LPP: variants seen among roughly 807,000 people sequenced by gnomAD.
The protein encoded by LPP is lipoma-preferred partner.
LPP carries 38 observed loss-of-function variants against 60.4 expected under a neutral mutation model. That is an observed-to-expected ratio of 0.63 (90% CI 0.49 to 0.83). The LOEUF is 0.83. Ranked by LOEUF, LPP falls within the 40% of genes least tolerant of loss-of-function variation. The pLI, the probability that LPP is intolerant of heterozygous loss-of-function variation, is 0.00. For synonymous variants in LPP, 328 were observed against 290.8 expected (o/e 1.13, Z -1.30); for missense variants, 902 against 783.6 (o/e 1.15, Z -1.80).
intron 3 of LPP, among the ~76,000 whole-genome samples, chr3:188,381,397 G>A (rs919068338): frequency 5.9e-5 from 9 of 151,752 alleles, no homozygotes; most frequent in African/African-American, 2.2e-4. Flanking sequence ...TACCTTATTG[G>A]AATTATTGGA....
chr3:188,580,717 G>T (rs1347932655), intron 6 of LPP, among the ~76,000 whole-genome samples: 1 of 152,140 alleles, frequency 6.6e-6, no homozygotes, highest in Non-Finnish European at 1.5e-5. Flanking sequence ...TATGATGGAT[G>T]ATGGCTACAG....
chr3:188,565,029 T>C (rs1831785270), intron 6 of LPP, among the ~76,000 whole-genome samples: 1 of 151,928 alleles, frequency 6.6e-6, no homozygotes, highest in Non-Finnish European at 1.5e-5. Flanking sequence ...ATCCTTACAC[T>C]GAAAAGCCTG....
intron 2 of LPP, chr3:188,247,167 A>G: frequency 1.0e-6 from 1 of 985,178 alleles, no homozygotes; most frequent in Non-Finnish European, 1.2e-6. Flanking sequence ...AACTGTCCAG[A>G]AGACCTCTGG....
At chr3:188,532,071 T>C (rs1374663144) in intron 6 of LPP, among the ~76,000 whole-genome samples, 1 of 152,010 alleles carries the variant, frequency 6.6e-6, no homozygotes, top group East Asian at 1.9e-4. Flanking sequence ...TACCATAGAA[T>C]CAGTTGATGT....
chr3:188,506,388 T>C (rs1251387494), intron 5 of LPP, among the ~76,000 whole-genome samples: 1 of 152,228 alleles, frequency 6.6e-6, no homozygotes, highest in Non-Finnish European at 1.5e-5. Flanking sequence ...ATAGATTTAT[T>C]AATGCTGTTT....
chr3:188,680,636 A>C (rs1859276649), intron 7 of LPP, among the ~76,000 whole-genome samples: 1 of 152,226 alleles, frequency 6.6e-6, no homozygotes. Context: ...AATTTTATTA[A>C]GTTTACAGGA....
chr3:188,697,951 C>G (rs761043081), intron 7 of LPP, among the ~76,000 whole-genome samples: 20 of 151,550 alleles, frequency 1.3e-4, no homozygotes, highest in African/African-American at 4.6e-4. Context: ...TTAATAAAAT[C>G]TTATTTTGAG....
In LPP at chr3:188,660,169, G is replaced by A. The variant is rs1218649117; in HGVS notation, c.1114-48098G>A. On this transcript the variant is annotated intron_variant, in intron 7 of 11. Coordinates refer to ENST00000617246, the MANE Select transcript of LPP (RefSeq NM_001375462.1). ...GGTTTTACATTCTCTCCTTACTTTT[G>A]CCTTGGTTCTCCTGATGTGTGAAAA... Among the ~76,000 whole-genome samples the A allele has an allele frequency of 2.0e-5, 3 of 151,980 alleles. 1 individual carries two copies. The South Asian group carries it at 6.2e-4, about 32-fold the overall frequency.
At chr3:188,207,205 A>G (rs552038440) in intron 1 of LPP, among the ~76,000 whole-genome samples, 48 of 141,540 alleles carry the variant, frequency 3.4e-4, no homozygotes, top group Admixed American at 9.2e-4. Flanking sequence ...AGTGACCTAC[A>G]CATTTTCTTT....
rs79034077 is a variant in LPP, at chr3:188,742,312, A to T, written c.1241-17801A>T. On this transcript the variant is annotated intron_variant, in intron 8 of 11. Coordinates refer to ENST00000617246, the MANE Select transcript of LPP (RefSeq NM_001375462.1). ...TTGACATTGACCCAAGTGAAATGAA[A>T]CCTTTTTTTTACACAAAGGCTTGTA... 6.4e-3 allele frequency among the ~76,000 whole-genome samples: 977 copies of T among 152,186 alleles called. 3 individuals carry two copies. Among genetic ancestry groups the T allele is most frequent in the Non-Finnish European group, 9.6e-3 (655 of 67,970 alleles).
At chr3:188,336,317 A>G (rs929058895) in intron 2 of LPP, among the ~76,000 whole-genome samples, 2 of 152,066 alleles carry the variant, frequency 1.3e-5, no homozygotes, top group Non-Finnish European at 2.9e-5. Context: ...TCTCTGTGCT[A>G]GGGTTGGATG....
rs569433801 is a variant in LPP, at chr3:188,608,044, C to G, written c.430-1117C>G. Among the ~76,000 whole-genome samples the G allele has an allele frequency of 5.3e-5, 8 of 152,166 alleles. No individual in the cohort carries two copies. The East Asian group carries it at 1.4e-3, about 26-fold the overall frequency. On this transcript the variant is annotated intron_variant, in intron 6 of 11. Coordinates refer to ENST00000617246, the MANE Select transcript of LPP (RefSeq NM_001375462.1). ...CTAGGATGATGAATAGTGTGTCTCTCCCTGTCCCCCAGTCTGGTAGAGAAG... is the reference window on the plus strand; with the variant it reads ...CTAGGATGATGAATAGTGTGTCTCTGCCTGTCCCCCAGTCTGGTAGAGAAG...
At chr3:188,249,747 C>T (rs765323581) in intron 2 of LPP, among the ~76,000 whole-genome samples, 12 of 151,058 alleles carry the variant, frequency 7.9e-5, no homozygotes, top group Non-Finnish European at 1.5e-5. Context: ...TACTTTTACT[C>T]AGATTCGTCT....
chr3:188,360,505 C>T (rs1302822977), intron 3 of LPP, among the ~76,000 whole-genome samples: 1 of 151,906 alleles, frequency 6.6e-6, no homozygotes, highest in Non-Finnish European at 1.5e-5. Flanking sequence ...ATATGATATC[C>T]TGTCTGAATT....
chr3:188,498,613 A>C (rs1012889988), intron 5 of LPP, among the ~76,000 whole-genome samples: 1 of 152,178 alleles, frequency 6.6e-6, no homozygotes, highest in African/African-American at 2.4e-5. Flanking sequence ...TAATGCTGCT[A>C]TAAGTATGGG....
chr3:188,277,409 T>TTC (rs1415623427), intron 2 of LPP, among the ~76,000 whole-genome samples: 2 of 152,156 alleles, frequency 1.3e-5, no homozygotes, highest in Non-Finnish European at 2.9e-5. Flanking sequence ...TATTCCTTGA[T>TTC]TCTCTCTTCT....
At chr3:188,194,136 G>C (rs972598321) in intron 1 of LPP, among the ~76,000 whole-genome samples, 7 of 152,188 alleles carry the variant, frequency 4.6e-5, no homozygotes, top group Admixed American at 3.3e-4. Flanking sequence ...CCTCATTCCT[G>C]GTCAGTTAGC....
rs1379112024 is a variant in LPP, at chr3:188,890,220, G to A, written c.*15741G>A. ...CACAATCATAGCCCCACCGTGATGA[G>A]CTGCTAGTCTGAATAACATTCCCTG... On this transcript the variant is annotated 3_prime_UTR_variant, in exon 12 of 12. Coordinates refer to ENST00000617246, the MANE Select transcript of LPP (RefSeq NM_001375462.1). 1 of 217,406 alleles carries A rather than the reference G, an allele frequency of 4.6e-6. No homozygotes were observed. Among genetic ancestry groups the A allele is most frequent in the African/African-American group, 2.2e-5 (1 of 44,514 alleles). 13.5% of individuals were successfully genotyped at this position (217,406 alleles called of 1,614,324 possible). A position where few individuals can be genotyped will look rare whatever the true frequency, so the allele number is the denominator to read the frequency against.
intron 9 of LPP, among the ~76,000 whole-genome samples, chr3:188,816,017 A>T (rs1485945112): frequency 2.6e-5 from 4 of 152,124 alleles, no homozygotes; most frequent in Non-Finnish European, 5.9e-5. Flanking sequence ...GTGACTTTAA[A>T]ATTTTTCCTT....
Sources: gnomAD v4.1 joint callset for allele counts (sites outside exome capture counted in the v4.1 genomes callset) on GRCh38, gnomAD v4.1.1 for gene constraint, MANE v1.5 for transcripts, NCBI Gene and HGNC (gene_info 2026-07-23, HGNC 2026-07-21) for gene names.